BLTP3A: variants seen among roughly 807,000 people sequenced by gnomAD.
BLTP3A encodes the protein bridge-like lipid transfer protein family member 3A, also known as ICBP90 binding protein 1.
the BLTP3A span, among the ~76,000 whole-genome samples, chr6:34,813,050 T>C: frequency 9.8e-5 from 15 of 152,346 alleles, no homozygotes; most frequent in South Asian, 1.0e-3. Flanking sequence ...GAAAAAATGG[T>C]GAAGGAAGCA....
the BLTP3A span, among the ~76,000 whole-genome samples, chr6:34,864,760 G>A: frequency 6.6e-6 from 1 of 152,066 alleles, no homozygotes; most frequent in African/African-American, 2.4e-5. Context: ...TTGAGGTCGA[G>A]AGTTGGAGAC....
the BLTP3A span, chr6:34,821,748 A>G: frequency 3.7e-6 from 6 of 1,614,104 alleles, no homozygotes; most frequent in African/African-American, 5.3e-5. Context: ...GAGGTTCTAC[A>G]GAATGTACTG....
the BLTP3A span, among the ~76,000 whole-genome samples, chr6:34,859,945 A>G: frequency 1.3e-5 from 2 of 152,122 alleles, no homozygotes; most frequent in Non-Finnish European, 2.9e-5. Context: ...CTATATCAGA[A>G]TAATAATAAT....
the BLTP3A span, among the ~76,000 whole-genome samples, chr6:34,866,355 A>G: frequency 6.6e-6 from 1 of 151,980 alleles, no homozygotes; most frequent in Non-Finnish European, 1.5e-5. Context: ...GTGAGCCGAG[A>G]TCACGCCATT....
the BLTP3A span, chr6:34,864,031 T>TG: frequency 6.2e-7 from 1 of 1,610,564 alleles, no homozygotes; most frequent in Non-Finnish European, 8.5e-7. Context: ...GATGAGGGGG[T>TG]GGCAGCCCCA....
chr6:34,854,967 C>T, the BLTP3A span, among the ~76,000 whole-genome samples: 10 of 152,280 alleles, frequency 6.6e-5, no homozygotes, highest in African/African-American at 1.9e-4. Flanking sequence ...ATGATAGAAA[C>T]ATGGAAAGTT....
the BLTP3A span, among the ~76,000 whole-genome samples, chr6:34,802,249 C>T: frequency 1.3e-5 from 2 of 151,850 alleles, no homozygotes; most frequent in African/African-American, 2.4e-5. Flanking sequence ...CTTGTTGCCA[C>T]GGCTGGAGTG....
chr6:34,832,357 G>A, the BLTP3A span, among the ~76,000 whole-genome samples: 4 of 152,048 alleles, frequency 2.6e-5, no homozygotes, highest in Non-Finnish European at 4.4e-5. Context: ...CTAGGCTCAA[G>A]TGATGTGCCT....
the BLTP3A span, among the ~76,000 whole-genome samples, chr6:34,861,049 G>T: frequency 6.6e-6 from 1 of 151,998 alleles, no homozygotes; most frequent in Non-Finnish European, 1.5e-5. Context: ...TTTTTCCTTG[G>T]CTGCTCTCTT....
chr6:34,841,779 AAT>A, the BLTP3A span, among the ~76,000 whole-genome samples: 2 of 152,212 alleles, frequency 1.3e-5, no homozygotes, highest in Non-Finnish European at 2.9e-5. Flanking sequence ...CAAAGATAGA[AAT>A]AAGGCTTTCC....
the BLTP3A span, among the ~76,000 whole-genome samples, chr6:34,869,075 G>A: frequency 3.3e-5 from 5 of 151,328 alleles, no homozygotes; most frequent in Admixed American, 1.3e-4. Flanking sequence ...GCACGAATTC[G>A]ACGTGCTGCA....
the BLTP3A span, chr6:34,836,410 G>A: frequency 6.7e-7 from 1 of 1,493,822 alleles, no homozygotes; most frequent in Non-Finnish European, 9.2e-7. Context: ...TCTGGGCAGA[G>A]CCTGGGGATG....
the BLTP3A span, among the ~76,000 whole-genome samples, chr6:34,810,924 A>G: frequency 6.6e-6 from 1 of 152,224 alleles, no homozygotes; most frequent in African/African-American, 2.4e-5. Flanking sequence ...TAAATGATAG[A>G]CTAGTATCTA....
At chr6:34,810,926 T>G in the BLTP3A span, among the ~76,000 whole-genome samples, 3 of 152,250 alleles carry the variant, frequency 2.0e-5, no homozygotes, top group Non-Finnish European at 2.9e-5. Flanking sequence ...AATGATAGAC[T>G]AGTATCTACA....
At chr6:34,815,268 G>T in the BLTP3A span, among the ~76,000 whole-genome samples, 1 of 127,504 alleles carries the variant, frequency 7.8e-6, no homozygotes, top group Non-Finnish European at 1.7e-5. Context: ...TGTTTGTTTT[G>T]AGACAGAGTC....
chr6:34,856,231 T>C, the BLTP3A span: 1 of 1,609,022 alleles, frequency 6.2e-7, no homozygotes, highest in Non-Finnish European at 8.5e-7. Context: ...CACTTCTTCG[T>C]TGCACAGGTG....
At chr6:34,871,449 A>G in the BLTP3A span, 1 of 833,384 alleles carries the variant, frequency 1.2e-6, no homozygotes. Context: ...AGAATCTGCC[A>G]TGCCTCTTAT....
At chr6:34,798,075 T>C in the BLTP3A span, among the ~76,000 whole-genome samples, 2 of 152,224 alleles carry the variant, frequency 1.3e-5, no homozygotes, top group Non-Finnish European at 2.9e-5. Context: ...TTCCAGTCAT[T>C]ATCTCCACCA....
chr6:34,802,239 CTT>C, the BLTP3A span, among the ~76,000 whole-genome samples: 1 of 151,934 alleles, frequency 6.6e-6, no homozygotes, highest in African/African-American at 2.4e-5. Flanking sequence ...GAGTTTTGCT[CTT>C]GTTGCCACGG....
Sources: allele counts gnomAD v4.1 joint callset (sites outside exome capture counted in the v4.1 genomes callset), GRCh38; gene constraint gnomAD v4.1.1; transcripts MANE v1.5; gene names NCBI Gene and HGNC (gene_info 2026-07-23, HGNC 2026-07-21).